The following ELFN1 variants were observed in gnomAD, a reference collection of about 807,000 sequenced individuals.
The protein encoded by ELFN1 is extracellular leucine rich repeat and fibronectin type III domain containing 1.
A neutral mutation model predicts 7.6 loss-of-function variants in ELFN1; 6 were observed. The observed-to-expected ratio is 0.79, with a 90% CI of 0.43 to 1.56. The LOEUF is 1.56. Ranked by LOEUF, ELFN1 falls within the 40% of genes most tolerant of loss-of-function variation. The pLI is 0.01. For synonymous variants in ELFN1, 657 were observed against 588.1 expected, an observed-to-expected ratio of 1.12 and a Z score of -1.70; for missense variants, 1,169 against 1,232.2, an observed-to-expected ratio of 0.95 and a Z score of 0.77.
chr7:1,722,796 A>T (rs1470775561), intron 3 of ELFN1, among the ~76,000 whole-genome samples: 1 of 152,230 alleles, frequency 6.6e-6, no homozygotes, highest in Non-Finnish European at 1.5e-5. Context: ...ACAATCAATG[A>T]CCTAAGGAGT....
intron 3 of ELFN1, among the ~76,000 whole-genome samples, chr7:1,737,792 C>T (rs887548382): frequency 7.2e-5 from 11 of 152,174 alleles, no homozygotes; most frequent in Non-Finnish European, 2.9e-5. Flanking sequence ...GTTCCTGCCC[C>T]TTCTCCACCC....
upstream of ELFN1, among the ~76,000 whole-genome samples, chr7:1,669,676 T>G (rs1258410689): frequency 6.6e-6 from 1 of 151,998 alleles, no homozygotes; most frequent in Non-Finnish European, 1.5e-5. Context: ...TTGGGGTGAA[T>G]GAAGGAAGGA....
At chr7:1,666,175 G>A (rs1051463966), upstream of ELFN1, among the ~76,000 whole-genome samples, 5 of 151,956 alleles carry the variant, frequency 3.3e-5, no homozygotes, top group African/African-American at 1.2e-4. This position sits in a 1 kb window ranked among gnomAD's most constrained non-coding sequence, Gnocchi z 7.9. Flanking sequence ...GCCCAGGTAA[G>A]AAGGGGCCTG....
At position 1,747,322 on chromosome 7, in the gene ELFN1, A is replaced by ACACACC; in HGVS notation, c.*244_*245insCCACAC. On this transcript the variant is annotated 3_prime_UTR_variant, in exon 4 of 4. Coordinates refer to ENST00000424383, the MANE Select transcript of ELFN1 (RefSeq NM_001128636.4). Reference sequence around the variant, plus strand: ...CGTGTCCACACACACACACACACACACACACACACACACGAGGGACTTCGG... The same window carrying ACACACC: ...CGTGTCCACACACACACACACACACACACACCCACACACACACACGAGGGACTTCGG... 3.8e-6 allele frequency: 1 copy of ACACACC among 266,028 alleles called. No individual in the cohort carries two copies. The highest frequency in any genetic ancestry group is 7.0e-6 in the Non-Finnish European group (1 of 142,528). The allele number at this position is 266,028 out of a possible 1,614,324, so 16.5% of individuals were successfully genotyped here.
chr7:1,738,460 G>A (rs909425237), intron 3 of ELFN1, among the ~76,000 whole-genome samples: 5 of 152,128 alleles, frequency 3.3e-5, no homozygotes, highest in Admixed American at 1.3e-4. Context: ...GTGGATGGCC[G>A]GGTGTCGTGA....
At chr7:1,736,796 G>A (rs55939167) in intron 3 of ELFN1, among the ~76,000 whole-genome samples, 20,907 of 152,160 alleles carry the variant, frequency 0.14, 1,821 homozygotes, top group South Asian at 0.25. Flanking sequence ...GCTCTGGCCC[G>A]GATGCCTGGC....
rs147740276 is a variant in ELFN1, at chr7:1,726,715, A to T, written c.-294+17463A>T. ...GGAGGTGACAGCCAGAGGCACGGCAAGGGTGTCACCCTGAGAAGAGGGGAG... is the reference window on the plus strand; with the variant it reads ...GGAGGTGACAGCCAGAGGCACGGCATGGGTGTCACCCTGAGAAGAGGGGAG... On this transcript the variant is annotated intron_variant, in intron 3 of 3. Transcript: ENST00000424383. Among the ~76,000 whole-genome samples, 745 of 152,308 alleles carry T rather than the reference A, an allele frequency of 4.9e-3. 6 individuals carry two copies. The highest frequency in any genetic ancestry group is 0.017 in the African/African-American group (696 of 41,566).
chr7:1,669,494 A>G (rs1778719641), upstream of ELFN1, among the ~76,000 whole-genome samples: 1 of 152,052 alleles, frequency 6.6e-6, no homozygotes, highest in South Asian at 2.1e-4. Flanking sequence ...CCGGGGGTCC[A>G]GGCTGCCCCT....
chr7:1,672,930 G>A (rs747428039), intron 1 of ELFN1, among the ~76,000 whole-genome samples: 11 of 152,066 alleles, frequency 7.2e-5, no homozygotes, highest in Admixed American at 1.3e-4. Flanking sequence ...GGCCGGTGGC[G>A]GGGCGGGGGG....
chr7:1,723,482 A>G (rs1182771271), intron 3 of ELFN1, among the ~76,000 whole-genome samples: 3 of 152,152 alleles, frequency 2.0e-5, no homozygotes, highest in Non-Finnish European at 2.9e-5. Context: ...CTCTGTGCAC[A>G]TGGCTCTGTG....
intron 2 of ELFN1, chr7:1,693,720 C>T (rs2128581158): frequency 2.1e-6 from 1 of 470,962 alleles, no homozygotes; most frequent in Non-Finnish European, 4.4e-6. Context: ...CACACTCACC[C>T]TCCCGCTCGT....
At position 1,744,494 on chromosome 7, in the gene ELFN1, C is replaced by T. The variant is rs1202741467; in HGVS notation, c.-103C>T. 1.5e-6 allele frequency: 2 copies of T among 1,306,138 alleles called. No homozygotes were observed. Among genetic ancestry groups the T allele is most frequent in the Non-Finnish European group, 1.0e-6 (1 of 989,482 alleles). 80.9% of individuals were successfully genotyped at this position (1,306,138 alleles called of 1,614,324 possible). On this transcript the variant is annotated 5_prime_UTR_variant, in exon 4 of 4. Transcript: ENST00000424383. ...GACAGGACACCCCTGAGAGTGCAGG[C>T]ACCTCCCCCTCCCGCCCCTCCATCC...
At chr7:1,743,465 A>G (rs1780685414) in intron 3 of ELFN1, among the ~76,000 whole-genome samples, 1 of 152,172 alleles carries the variant, frequency 6.6e-6, no homozygotes, top group Non-Finnish European at 1.5e-5. Context: ...GGTGGCCCCT[A>G]TCCACCAAGG....
upstream of ELFN1, among the ~76,000 whole-genome samples, chr7:1,669,593 T>G (rs2128571817): frequency 6.6e-6 from 1 of 152,298 alleles, no homozygotes; most frequent in East Asian, 1.9e-4. Flanking sequence ...GACGGGGGCT[T>G]CCGCACAGGC....
chr7:1,679,016 C>T (rs1183055111), intron 1 of ELFN1, among the ~76,000 whole-genome samples: 2 of 151,994 alleles, frequency 1.3e-5, no homozygotes, highest in East Asian at 3.9e-4. Flanking sequence ...GGGACCCTGA[C>T]CCTCATCTCC....
chr7:1,711,602 GA>G (rs1779656712), intron 3 of ELFN1, among the ~76,000 whole-genome samples: 2 of 151,050 alleles, frequency 1.3e-5, no homozygotes, highest in African/African-American at 4.9e-5. Context: ...GAGAGAGAGA[GA>G]GAGAGAGAGA....
intron 2 of ELFN1, among the ~76,000 whole-genome samples, chr7:1,708,191 G>A (rs1467684960): frequency 6.6e-6 from 1 of 152,220 alleles, no homozygotes; most frequent in African/African-American, 2.4e-5. Flanking sequence ...CCAGCTGTGC[G>A]ACCCTGGCAG....
chr7:1,741,129 CAAA>C (rs34300810), intron 3 of ELFN1, among the ~76,000 whole-genome samples: 222 of 116,844 alleles, frequency 1.9e-3, no homozygotes, highest in African/African-American at 6.5e-3. Flanking sequence ...GACTCTGTCT[CAAA>C]AAAAAAAAAA....
At chr7:1,703,817 T>C (rs1012098330) in intron 2 of ELFN1, among the ~76,000 whole-genome samples, 1 of 152,182 alleles carries the variant, frequency 6.6e-6, no homozygotes, top group African/African-American at 2.4e-5. Context: ...CAGTGTAACC[T>C]TGGGGAGGTC....
Sources: gnomAD v4.1 joint callset for allele counts (sites outside exome capture counted in the v4.1 genomes callset) on GRCh38, gnomAD v4.1.1 for gene constraint, Gnocchi (gnomAD v3.1) non-coding constraint, MANE v1.5 for transcripts, NCBI Gene and HGNC (gene_info 2026-07-23, HGNC 2026-07-21) for gene names.